Variants in CNNM2 observed in about 807,000 individuals in gnomAD.
CNNM2 encodes the protein metal transporter CNNM2.
In CNNM2, 12 loss-of-function variants were observed where a neutral mutation model predicts 66.9. That is an observed-to-expected ratio of 0.18 (90% CI 0.11 to 0.29). The LOEUF is 0.29. Ranked by LOEUF, CNNM2 falls within the 10% of genes least tolerant of loss-of-function variation. CNNM2 has a pLI of 1.00. For missense variants in CNNM2, 705 were observed against 1,167.7 expected (o/e 0.60, Z 5.77); for synonymous variants, 557 against 501.8 (o/e 1.11, Z -1.47).
chr10:102,994,226 C>A (rs372542559), intron 1 of CNNM2, among the ~76,000 whole-genome samples: 1 of 152,180 alleles, frequency 6.6e-6, no homozygotes, highest in Non-Finnish European at 1.5e-5. Context: ...CGTGAGCTAC[C>A]GCACCCGGCT....
At chr10:103,047,925 T>C (rs1368208736) in intron 1 of CNNM2, among the ~76,000 whole-genome samples, 1 of 152,222 alleles carries the variant, frequency 6.6e-6, no homozygotes, top group Non-Finnish European at 1.5e-5. Flanking sequence ...TTCTTTTCTT[T>C]TTTTTCTTTT....
rs952758005 is a variant in CNNM2, at chr10:103,054,115, C to G, written c.1766-214C>G. 2.0e-5 allele frequency among the ~76,000 whole-genome samples: 3 copies of G among 152,204 alleles called. No homozygotes were observed. Among genetic ancestry groups the G allele is most frequent in the African/African-American group, 2.4e-5 (1 of 41,442 alleles). ...TCACTAATCAGGCTGCCTGCGGTCA[C>G]TCGCTGCGGACTGCGTGGTGCCCAG... On this transcript the variant is annotated intron_variant, in intron 2 of 7. Transcript: ENST00000369878. The surrounding 1 kb of genome is among the most constrained non-coding windows in gnomAD (Gnocchi z 5.2).
At position 103,086,833 on chromosome 10, in the gene CNNM2, C is replaced by T. The variant is rs2065819348; in HGVS notation, c.*9653C>T. On this transcript the variant is annotated 3_prime_UTR_variant, in exon 8 of 8. Coordinates refer to ENST00000369878, the MANE Select transcript of CNNM2 (RefSeq NM_017649.5). ...GAACCCTAAACTTTCTTGGCTGTGA[C>T]CAACTTTTCTGAAGTACACCATCAG... The T allele has an allele frequency of 6.6e-6, 1 of 152,154 alleles. No homozygotes were observed. The highest frequency in any genetic ancestry group is 1.5e-5 in the Non-Finnish European group (1 of 68,028). 9.4% of individuals were successfully genotyped at this position (152,154 alleles called of 1,614,324 possible).
At chr10:102,983,363 T>C (rs2063747270) in intron 1 of CNNM2, among the ~76,000 whole-genome samples, 1 of 147,720 alleles carries the variant, frequency 6.8e-6, no homozygotes, top group Admixed American at 6.8e-5. Context: ...TATATATTTA[T>C]ATATATAAAT....
intron 1 of CNNM2, among the ~76,000 whole-genome samples, chr10:103,014,261 AGTATGCATAGCCTTGGC>A (rs2064399173): frequency 6.6e-6 from 1 of 152,214 alleles, no homozygotes; most frequent in Non-Finnish European, 1.5e-5. Flanking sequence ...TTGCCCTCAA[AGTATGCATAGCCTTGGC>A]AGGTGGTATC....
chr10:102,967,762 A>T (rs919386366), intron 1 of CNNM2, among the ~76,000 whole-genome samples: 3 of 152,186 alleles, frequency 2.0e-5, no homozygotes, highest in African/African-American at 7.2e-5. Context: ...TAATCCCAGC[A>T]CTTTGGGGGG....
rs754630284 is a variant in CNNM2, at chr10:102,919,521, C to T, written c.1041C>T (p.Val347=). ...GCTCGGGCCTCGTGGCCGTGGTAGTCTCCACCATCGGTATCGTCATCTTCG... is the reference window on the plus strand; with the variant it reads ...GCTCGGGCCTCGTGGCCGTGGTAGTTTCCACCATCGGTATCGTCATCTTCG... ...IAGSGLVAVV[V]STIGIVIFGE... The change falls in exon 1 of 8, where the codon GTC becomes GTT. Residue 347 remains valine (V), a synonymous_variant. Coordinates refer to ENST00000369878, the MANE Select transcript of CNNM2 (RefSeq NM_017649.5). 4 of 1,613,180 alleles carry T rather than the reference C, an allele frequency of 2.5e-6. No individual in the cohort carries two copies. Among genetic ancestry groups the T allele is most frequent in the Admixed American group, 1.7e-5 (1 of 60,034 alleles).
rs1434787782 is a variant in CNNM2, at chr10:103,088,121, T to TA, written c.*10942dup. 7 of 152,134 alleles carry TA rather than the reference T, an allele frequency of 4.6e-5. No individual in the cohort carries two copies. Among genetic ancestry groups the TA allele is most frequent in the African/African-American group, 2.4e-5 (1 of 41,438 alleles). 9.4% of individuals were successfully genotyped at this position (152,134 alleles called of 1,614,324 possible). A position where few individuals can be genotyped will look rare whatever the true frequency, so the allele number is the denominator to read the frequency against. ...AACCCACTTGAAGACCAATAGCTAT[T>TA]ACAGTTGTACTACAGAATAGGTCAA... On this transcript the variant is annotated 3_prime_UTR_variant, in exon 8 of 8. Transcript: ENST00000369878.
chr10:103,019,301 G>T (rs2064522136), intron 1 of CNNM2, among the ~76,000 whole-genome samples: 1 of 150,994 alleles, frequency 6.6e-6, no homozygotes, highest in Non-Finnish European at 1.5e-5. Flanking sequence ...ATGAAATACT[G>T]AACAAGATGA....
At position 103,069,681 on chromosome 10, in the gene CNNM2, T is replaced by C. The variant is rs1009679863; in HGVS notation, c.2167+959T>C. On this transcript the variant is annotated intron_variant, in intron 5 of 7. Transcript: ENST00000369878. The stretch of plus-strand genomic sequence containing the variant: ...GCTCTCAGACATGAACACAGATAGA[T>C]ACCTGGTGGCTTGCTGGCCTCTGGG... 4.6e-5 allele frequency among the ~76,000 whole-genome samples: 7 copies of C among 152,340 alleles called. No individual in the cohort carries two copies. In the East Asian group the frequency reaches 1.4e-3, roughly 29 times the overall value.
rs967924926 is a variant in CNNM2, at chr10:103,082,659, G to A, written c.*5479G>A. On this transcript the variant is annotated 3_prime_UTR_variant, in exon 8 of 8. Transcript: ENST00000369878. Reference sequence around the variant, plus strand: ...TGCTGTCCTTTAAGGCGGGTGAGAGGGTAGTGTTGTTTTTTATAAACAGGT... The same window carrying A: ...TGCTGTCCTTTAAGGCGGGTGAGAGAGTAGTGTTGTTTTTTATAAACAGGT... 10 of 152,300 alleles carry A rather than the reference G, an allele frequency of 6.6e-5. No individual in the cohort carries two copies. The highest frequency in any genetic ancestry group is 2.4e-4 in the African/African-American group (10 of 41,542). The allele number at this position is 152,300 out of a possible 1,614,324, so 9.4% of individuals were successfully genotyped here.
chr10:103,033,438 C>T (rs1007887740), intron 1 of CNNM2, among the ~76,000 whole-genome samples: 2 of 152,176 alleles, frequency 1.3e-5, no homozygotes, highest in Non-Finnish European at 2.9e-5. Context: ...GATCTGCCTG[C>T]CTTGGCCTCC....
intron 1 of CNNM2, among the ~76,000 whole-genome samples, chr10:102,967,547 CT>C (rs1230038414): frequency 6.6e-6 from 1 of 152,148 alleles, no homozygotes; most frequent in East Asian, 1.9e-4. Context: ...TGTTTGGCTA[CT>C]TTCACTTAGC....
Position 102,968,902 on chromosome 10 carries a change from A to G in CNNM2, c.1621+48801A>G, listed in dbSNP as rs76922515. Among the ~76,000 whole-genome samples, 11 of 141,248 alleles carry G rather than the reference A, an allele frequency of 7.8e-5. No homozygotes were observed. The East Asian group carries it at 2.3e-3, about 30-fold the overall frequency. The allele number at this position is 141,248 out of a possible 152,430, so 92.7% of individuals were successfully genotyped here. ...AGGCATGAGCCACTTGTGCCCAGCC[A>G]GTGCTGTCTTTTTTTTTTTTTTTTT... On this transcript the variant is annotated intron_variant, in intron 1 of 7. Coordinates refer to ENST00000369878, the MANE Select transcript of CNNM2 (RefSeq NM_017649.5).
rs1275721559 is a variant in CNNM2 at position 103,089,991 on chromosome 10, G to C, written c.*12811G>C. On this transcript the variant is annotated 3_prime_UTR_variant, in exon 8 of 8. Coordinates refer to ENST00000369878, the MANE Select transcript of CNNM2 (RefSeq NM_017649.5). Reference sequence around the variant, plus strand: ...AAATCCTAACCCCTCTCCTCTGTTAGGTGGCCATGCAATTACATCTATAAT... The same window carrying C: ...AAATCCTAACCCCTCTCCTCTGTTACGTGGCCATGCAATTACATCTATAAT... 25 of 1,114,064 alleles carry C rather than the reference G, an allele frequency of 2.2e-5. 1 individual carries two copies. The East Asian group carries it at 6.2e-4, about 28-fold the overall frequency. 69.0% of individuals were successfully genotyped at this position (1,114,064 alleles called of 1,614,324 possible). A position where few individuals can be genotyped will look rare whatever the true frequency, so the allele number is the denominator to read the frequency against.
At chr10:103,045,748 G>T (rs2065117849) in intron 1 of CNNM2, among the ~76,000 whole-genome samples, 1 of 152,154 alleles carries the variant, frequency 6.6e-6, no homozygotes, top group South Asian at 2.1e-4. Context: ...CAATATTGTT[G>T]TTTGAGAGAT....
chr10:103,082,459 C>G lies in CNNM2; in HGVS notation c.*5279C>G, dbSNP rs1343629350. 1 of 152,234 alleles carries G rather than the reference C, an allele frequency of 6.6e-6. No individual in the cohort carries two copies. Among genetic ancestry groups the G allele is most frequent in the Non-Finnish European group, 1.5e-5 (1 of 68,038 alleles). The allele number at this position is 152,234 out of a possible 1,614,324, so 9.4% of individuals were successfully genotyped here. A position where few individuals can be genotyped will look rare whatever the true frequency, so the allele number is the denominator to read the frequency against. ...CGCTTCTGATCATTACTCCCCAAGT[C>G]TGAATCTACTGTGAAGGTGAAGTTA... On this transcript the variant is annotated 3_prime_UTR_variant, in exon 8 of 8. Coordinates refer to ENST00000369878, the MANE Select transcript of CNNM2 (RefSeq NM_017649.5).
intron 1 of CNNM2, among the ~76,000 whole-genome samples, chr10:103,045,471 G>T (rs886272731): frequency 1.3e-5 from 2 of 152,184 alleles, no homozygotes; most frequent in Non-Finnish European, 2.9e-5. Context: ...GTCTGCGTAA[G>T]TGCTGGGAGC....
At chr10:102,930,991 A>G (rs763991024) in intron 1 of CNNM2, among the ~76,000 whole-genome samples, 3 of 152,100 alleles carry the variant, frequency 2.0e-5, no homozygotes, top group African/African-American at 7.2e-5. Context: ...TAATGATTCT[A>G]TGAACATTGG....
Sources: gnomAD v4.1 joint callset for allele counts (sites outside exome capture counted in the v4.1 genomes callset) on GRCh38, gnomAD v4.1.1 for gene constraint, Gnocchi (gnomAD v3.1) non-coding constraint, MANE v1.5 for transcripts, NCBI Gene and HGNC (gene_info 2026-07-23, HGNC 2026-07-21) for gene names.